DOCK6: variants seen among roughly 807,000 people sequenced by gnomAD.
DOCK6 encodes the protein dedicator of cytokinesis protein 6.
In DOCK6, 167 loss-of-function variants were observed where a neutral mutation model predicts 230.3. The observed-to-expected ratio is 0.73, with a 90% CI of 0.64 to 0.82. The LOEUF (loss-of-function observed/expected upper bound fraction) is 0.82, where lower values mean the gene tolerates loss of function less well. Ranked by LOEUF, DOCK6 falls within the 40% of genes least tolerant of loss-of-function variation. DOCK6 has a pLI of 0.00. For missense variants in DOCK6, 2,598 were observed against 2,825.8 expected (o/e 0.92, Z 1.83); for synonymous variants, 1,148 against 1,185.0 (o/e 0.97, Z 0.64).
intron 35 of DOCK6, among the ~76,000 whole-genome samples, chr19:11,212,560 TCTTTC>T (rs778980485): frequency 0.046 from 5,371 of 116,368 alleles, 201 homozygotes; most frequent in East Asian, 0.15. Flanking sequence ...TTTCTTTCTT[TCTTTC>T]TTTTTTTTTT....
chr19:11,237,843 C>A, intron 16 of DOCK6, 64 bp from the exon 17 acceptor site: 1 of 1,513,888 alleles, frequency 6.6e-7, no homozygotes, highest in East Asian at 2.5e-5. Flanking sequence ...CCCATCACCT[C>A]TGCCATGCCA....
chr19:11,235,846 G>A, intron 20 of DOCK6, 87 bp from the exon 21 acceptor site: 1 of 1,445,062 alleles, frequency 6.9e-7, no homozygotes, highest in Non-Finnish European at 9.2e-7. Context: ...ATCAGGATTT[G>A]AGGGATCATG....
Position 11,243,633 on chromosome 19 carries a change from G to A in DOCK6, c.1182C>T (p.Phe394=). ...CTRLGRYRMP[F]AWTAVHLANI... ...TGGCCAAGTGCACGGCCGTCCAGGC[G>A]AAGGGCATGCGGTAGCGGCCCAGGC... The change falls in exon 11 of 48, where the codon TTC becomes TTT. Residue 394 remains phenylalanine (F), a synonymous_variant. Transcript: ENST00000294618. The surrounding 1 kb of genome is among the most constrained non-coding windows in gnomAD (Gnocchi z 6.3). The A allele has an allele frequency of 6.2e-7, 1 of 1,612,600 alleles. No individual in the cohort carries two copies.
intron 1 of DOCK6, among the ~76,000 whole-genome samples, chr19:11,260,978 G>A (rs1376630821): frequency 2.0e-5 from 3 of 151,674 alleles, no homozygotes; most frequent in Admixed American, 6.6e-5. Context: ...GACGCCAAAG[G>A]TCTAAGACAT....
chr19:11,256,001 T>C (rs979480283), intron 1 of DOCK6, among the ~76,000 whole-genome samples: 1 of 152,132 alleles, frequency 6.6e-6, no homozygotes, highest in Non-Finnish European at 1.5e-5. Flanking sequence ...TTAGCCAGGC[T>C]GGTCTCGAAC....
In DOCK6 at chr19:11,200,675, T is replaced by A; in HGVS notation, c.5939+41A>T. ...GGGCAGAGAGCAGGCCTATGCAGGT[T>A]AGGCAGACACGAGACCCCTCCTGGG... On this transcript the variant is annotated intron_variant, in intron 46 of 47. Transcript: ENST00000294618. The surrounding 1 kb of genome is among the most constrained non-coding windows in gnomAD (Gnocchi z 4.3). 6.4e-7 allele frequency: 1 copy of A among 1,572,628 alleles called. No individual in the cohort carries two copies.
intron 24 of DOCK6, among the ~76,000 whole-genome samples, chr19:11,224,060 G>A (rs1470720196): frequency 2.6e-5 from 4 of 152,034 alleles, no homozygotes; most frequent in Admixed American, 1.3e-4. Context: ...TGTGTGTGTG[G>A]GGCGGGGGCA....
Position 11,243,616 on chromosome 19 carries a change from T to A in DOCK6, c.1199A>T (p.His400Leu). Residue 400 changes from histidine to leucine, a missense_variant, in exon 11 of 48, where the codon CAC (histidine) becomes CTC (leucine). Physicochemically the swap from His to Leu is moderately conservative, Grantham distance 99. Transcript: ENST00000294618. This position sits in a 1 kb window ranked among gnomAD's most constrained non-coding sequence, Gnocchi z 6.3. ...AGCGCTGCTCACGATGTTGGCCAAG[T>A]GCACGGCCGTCCAGGCGAAGGGCAT... ...YRMPFAWTAV[H>L]LANIVSSAGQ... 1 of 1,611,700 alleles carries A rather than the reference T, an allele frequency of 6.2e-7. No individual in the cohort carries two copies. Among genetic ancestry groups the A allele is most frequent in the Non-Finnish European group, 8.5e-7 (1 of 1,179,392 alleles).
At chr19:11,245,480 T>A in intron 9 of DOCK6, 83 bp downstream of exon 9, 6 of 1,365,348 alleles carry the variant, frequency 4.4e-6, no homozygotes, top group Non-Finnish European at 6.1e-6. Flanking sequence ...TTCTTGGTGA[T>A]GTATCTGTCT....
chr19:11,256,790 G>C (rs2080204210), intron 1 of DOCK6, among the ~76,000 whole-genome samples: 1 of 152,128 alleles, frequency 6.6e-6, no homozygotes, highest in Non-Finnish European at 1.5e-5. Context: ...CGATTCTCCT[G>C]TCTCAGCCTC....
At chr19:11,241,387 G>C (rs2079940978) in intron 14 of DOCK6, 1 of 1,121,506 alleles carries the variant, frequency 8.9e-7, no homozygotes, top group African/African-American at 1.5e-5. Flanking sequence ...GGGGCAGAGG[G>C]TCAGGGGATG....
rs1172973474 is a variant in DOCK6 at position 11,216,090 on chromosome 19, AT to A, written c.3895-164del. 0.026 allele frequency: 15,672 copies of A among 605,618 alleles called. 39 individuals carry two copies. Among genetic ancestry groups the A allele is most frequent in the African/African-American group, 0.045 (2,295 of 51,342 alleles). The allele number at this position is 605,618 out of a possible 1,614,324, so 37.5% of individuals were successfully genotyped here. A position where few individuals can be genotyped will look rare whatever the true frequency, so the allele number is the denominator to read the frequency against. On this transcript the variant is annotated intron_variant, in intron 30 of 47. Coordinates refer to ENST00000294618, the MANE Select transcript of DOCK6 (RefSeq NM_020812.4). ...ATTCTTAGCACTTACCAAAAAAAAA[AT>A]TTTTTTTTTTTCTTGAAACAGAGTC...
At chr19:11,241,607 G>C in intron 14 of DOCK6, 1 of 1,559,280 alleles carries the variant, frequency 6.4e-7, no homozygotes, top group Non-Finnish European at 8.7e-7. Context: ...GGGCGCACAG[G>C]GCAGCTGGAA....
intron 5 of DOCK6, 196 bp downstream of exon 5, chr19:11,251,923 T>C: frequency 1.4e-6 from 1 of 739,250 alleles, no homozygotes; most frequent in South Asian, 1.8e-5. Context: ...AGAGGACACA[T>C]ATGAAGCCTT....
At chr19:11,259,459 G>A (rs1210641747) in intron 1 of DOCK6, among the ~76,000 whole-genome samples, 1 of 149,290 alleles carries the variant, frequency 6.7e-6, no homozygotes, top group African/African-American at 2.5e-5. Context: ...AGAGAGAGAT[G>A]TTTACCTGAA....
chr19:11,216,843 C>T (rs911481011), intron 30 of DOCK6, 71 bp downstream of exon 30: 40 of 1,520,224 alleles, frequency 2.6e-5, no homozygotes, highest in African/African-American at 4.1e-5. Flanking sequence ...CCACTCAGCC[C>T]GCAGCACGCT....
rs1223444142 is a variant in DOCK6, at chr19:11,243,534, G to A, written c.1258+23C>T. 1 of 1,578,584 alleles carries A rather than the reference G, an allele frequency of 6.3e-7. No homozygotes were observed. Among genetic ancestry groups the A allele is most frequent in the Non-Finnish European group, 8.6e-7 (1 of 1,164,494 alleles). ...GCACCACCCTTTAGCCCCGCCCCAAGCCTGTTAGCCCCGCCTCCTCACCGC... is the reference window on the plus strand; with the variant it reads ...GCACCACCCTTTAGCCCCGCCCCAAACCTGTTAGCCCCGCCTCCTCACCGC... On this transcript the variant is annotated intron_variant, in intron 11 of 47. Transcript: ENST00000294618. The surrounding 1 kb of genome is among the most constrained non-coding windows in gnomAD (Gnocchi z 6.3).
intron 22 of DOCK6, chr19:11,229,257 A>G: frequency 7.6e-7 from 1 of 1,322,096 alleles, no homozygotes; most frequent in Non-Finnish European, 9.7e-7. Flanking sequence ...TTTGCTGGGG[A>G]CCAGGACAAA....
At chr19:11,241,826 G>C (rs1462266521) in intron 14 of DOCK6, 1 of 1,422,114 alleles carries the variant, frequency 7.0e-7, no homozygotes, top group South Asian at 1.2e-5. Flanking sequence ...ACAGAGCAGA[G>C]ACAGACGCAG....
Sources: allele counts gnomAD v4.1 joint callset (sites outside exome capture counted in the v4.1 genomes callset), GRCh38; gene constraint gnomAD v4.1.1; non-coding constraint Gnocchi (gnomAD v3.1); transcripts MANE v1.5; gene names NCBI Gene and HGNC (gene_info 2026-07-23, HGNC 2026-07-21).